Variants in ZBTB45 observed in about 807,000 individuals in gnomAD.
The protein encoded by ZBTB45 is zinc finger and BTB domain containing 45.
A neutral mutation model predicts 28.4 loss-of-function variants in ZBTB45; 22 were observed. That is an observed-to-expected ratio of 0.77 (90% CI 0.55 to 1.10). The LOEUF (loss-of-function observed/expected upper bound fraction) is 1.10, where lower values mean the gene tolerates loss of function less well. ZBTB45 is among the 50% of genes least tolerant of loss of function. The probability of loss-of-function intolerance (pLI) is 0.00; values close to 1 mark genes in which losing one functional copy is unlikely to be tolerated. For synonymous variants in ZBTB45, 361 were observed against 332.3 expected, an observed-to-expected ratio of 1.09 and a Z score of -0.94; for missense variants, 656 against 750.2, an observed-to-expected ratio of 0.87 and a Z score of 1.47.
chr19:58,525,158 C>T (rs538781652), intron 1 of ZBTB45, among the ~76,000 whole-genome samples: 1 of 152,262 alleles, frequency 6.6e-6, no homozygotes, highest in African/African-American at 2.4e-5. Context: ...CCTCCCTCCA[C>T]CCTCCATCAC....
At chr19:58,514,372 C>G (rs2053461133) in intron 2 of ZBTB45, 62 bp from the exon 3 acceptor site, 1 of 1,328,428 alleles carries the variant, frequency 7.5e-7, no homozygotes, top group African/African-American at 3.3e-5. Context: ...GCCCCCACCC[C>G]ACCCCACCCC....
At chr19:58,523,277 T>A (rs1568648311), upstream of ZBTB45, among the ~76,000 whole-genome samples, 1 of 151,922 alleles carries the variant, frequency 6.6e-6, no homozygotes, top group African/African-American at 2.4e-5. Flanking sequence ...TGTGGTGGCG[T>A]CTGTAATCTC....
At chr19:58,522,119 TTGAGA>T, upstream of ZBTB45, among the ~76,000 whole-genome samples, 1 of 150,636 alleles carries the variant, frequency 6.6e-6, no homozygotes, top group Middle Eastern at 3.5e-3. Context: ...TGTCAGGAGT[TTGAGA>T]CCAGCCTGGA....
At chr19:58,518,722 G>A (rs1190810320) in intron 1 of ZBTB45, among the ~76,000 whole-genome samples, 1 of 152,074 alleles carries the variant, frequency 6.6e-6, no homozygotes, top group Non-Finnish European at 1.5e-5. Context: ...TATCAAACAA[G>A]GGATGAGATA....
chr19:58,528,101 C>A (rs2053617055), intron 1 of ZBTB45, among the ~76,000 whole-genome samples: 1 of 152,128 alleles, frequency 6.6e-6, no homozygotes, highest in Non-Finnish European at 1.5e-5. Context: ...AGATGCAAGG[C>A]CATTTGTGCC....
chr19:58,521,145 A>G (rs911610000), upstream of ZBTB45, among the ~76,000 whole-genome samples: 1 of 145,262 alleles, frequency 6.9e-6, no homozygotes, highest in Admixed American at 6.9e-5. Flanking sequence ...CGGGCGGATC[A>G]TGAGGTCAGG....
chr19:58,529,981 T>A (rs943331139), intron 1 of ZBTB45, among the ~76,000 whole-genome samples: 1 of 152,060 alleles, frequency 6.6e-6, no homozygotes, highest in Non-Finnish European at 1.5e-5. Context: ...GGCAGGTGGA[T>A]CACTTGAGCA....
upstream of ZBTB45, among the ~76,000 whole-genome samples, chr19:58,524,605 C>T (rs922438976): frequency 6.6e-5 from 10 of 151,804 alleles, no homozygotes; most frequent in Admixed American, 4.6e-4. Flanking sequence ...CAGGCTAGGC[C>T]GGGTGCAGTG....
chr19:58,513,935 G>A lies in ZBTB45; in HGVS notation c.*119C>T. On this transcript the variant is annotated 3_prime_UTR_variant, in exon 3 of 3. Coordinates refer to ENST00000594051, the MANE Select transcript of ZBTB45 (RefSeq NM_001316979.2). ...TGGAGAAAGGGTGAAGGGAGAGAGA[G>A]GACCTGCGCTCAGGAGGGAGCGTGG... The A allele has an allele frequency of 8.3e-7, 1 of 1,210,688 alleles. No individual in the cohort carries two copies. The highest frequency in any genetic ancestry group is 1.1e-6 in the Non-Finnish European group (1 of 932,802). 75.0% of individuals were successfully genotyped at this position (1,210,688 alleles called of 1,614,324 possible).
intron 1 of ZBTB45, among the ~76,000 whole-genome samples, chr19:58,524,888 A>AG (rs1340412475): frequency 6.6e-6 from 1 of 151,892 alleles, no homozygotes; most frequent in Non-Finnish European, 1.5e-5. Context: ...GTCTCAAAAA[A>AG]AAAAAACAAA....
At chr19:58,517,857 C>G (rs1368077373) in intron 1 of ZBTB45, among the ~76,000 whole-genome samples, 184 bp from the exon 2 acceptor site, 1 of 151,792 alleles carries the variant, frequency 6.6e-6, no homozygotes, top group Admixed American at 6.6e-5. Context: ...CACTCCAGCA[C>G]TCCCTCCTCC....
Position 58,516,334 on chromosome 19 carries a change from C to A in ZBTB45, c.1279+61G>T, listed in dbSNP as rs529151989. On this transcript the variant is annotated intron_variant, in intron 2 of 2. Coordinates refer to ENST00000594051, the MANE Select transcript of ZBTB45 (RefSeq NM_001316979.2). The surrounding 1 kb of genome is among the most constrained non-coding windows in gnomAD (Gnocchi z 6.2). ...AGTGCCCTGTAACTAGTGCTCAATT[C>A]CCCCTCAGGTTTAACTCTCCGATGA... 3.8e-6 allele frequency: 6 copies of A among 1,597,350 alleles called. No homozygotes were observed. In the East Asian group the frequency reaches 6.7e-5, roughly 18 times the overall value.
Position 58,515,253 on chromosome 19 carries a change from T to C in ZBTB45, c.1280-943A>G. Among the ~76,000 whole-genome samples, 1 of 148,322 alleles carries C rather than the reference T, an allele frequency of 6.7e-6. No individual in the cohort carries two copies. The highest frequency in any genetic ancestry group is 2.0e-4 in the East Asian group (1 of 4,992). On this transcript the variant is annotated intron_variant, in intron 2 of 2. Transcript: ENST00000594051. The surrounding 1 kb of genome is among the most constrained non-coding windows in gnomAD (Gnocchi z 4.7). ...ATCACTTGAACCCAGGAGGCAGAGG[T>C]TGCAGTGAGCCGAGATCACACCACT...
At chr19:58,534,578 G>C (rs1443400813) in intron 1 of ZBTB45, among the ~76,000 whole-genome samples, 1 of 135,682 alleles carries the variant, frequency 7.4e-6, no homozygotes, top group Non-Finnish European at 1.6e-5. Context: ...TTTTTTTGAG[G>C]CGGAGTCTCA....
At chr19:58,536,388 C>G (rs1373663064) in intron 1 of ZBTB45, among the ~76,000 whole-genome samples, 1 of 151,652 alleles carries the variant, frequency 6.6e-6, no homozygotes, top group Non-Finnish European at 1.5e-5. Flanking sequence ...ATGGCGTGAA[C>G]CCGGGAGGCG....
chr19:58,522,325 C>T (rs1319838523), upstream of ZBTB45, among the ~76,000 whole-genome samples: 3 of 151,548 alleles, frequency 2.0e-5, no homozygotes, highest in Admixed American at 2.0e-4. Context: ...CCATGCCCCA[C>T]TAATTTTTGT....
intron 1 of ZBTB45, among the ~76,000 whole-genome samples, chr19:58,532,666 C>T (rs1355473186): frequency 6.6e-6 from 1 of 152,142 alleles, no homozygotes. Context: ...CCTGCCTCAG[C>T]CTCCCGAGTA....
chr19:58,523,645 A>C (rs8110423), upstream of ZBTB45, among the ~76,000 whole-genome samples: 149,708 of 149,754 alleles, frequency 1, 74,831 homozygotes, highest in Middle Eastern at 1. Context: ...CCAGCCTGGG[A>C]GACAAGAGCA....
At chr19:58,524,899 A>G (rs560323412) in intron 1 of ZBTB45, among the ~76,000 whole-genome samples, 187 of 151,984 alleles carry the variant, frequency 1.2e-3, no homozygotes, top group African/African-American at 4.4e-3. Flanking sequence ...AAAAAACAAA[A>G]AAACAATTCC....
Sources: allele counts gnomAD v4.1 joint callset (sites outside exome capture counted in the v4.1 genomes callset), GRCh38; gene constraint gnomAD v4.1.1; non-coding constraint Gnocchi (gnomAD v3.1); transcripts MANE v1.5; gene names NCBI Gene and HGNC (gene_info 2026-07-23, HGNC 2026-07-21).